Variants in CNOT10 observed in about 807,000 individuals in gnomAD.
CNOT10 encodes the protein CCR4-NOT transcription complex subunit 10.
In CNOT10, 30 loss-of-function variants were observed where a neutral mutation model predicts 94.6. The ratio of observed to expected loss-of-function variants is 0.32; its 90% CI spans 0.24 to 0.43. The LOEUF (loss-of-function observed/expected upper bound fraction) is 0.43, where lower values mean the gene tolerates loss of function less well. Among genes scored for constraint, CNOT10 ranks in the 20% least tolerant of loss-of-function variants. CNOT10 has a pLI of 1.00. For synonymous variants in CNOT10, 289 were observed against 301.6 expected, an observed-to-expected ratio of 0.96 and a Z score of 0.43; for missense variants, 759 against 877.2, an observed-to-expected ratio of 0.87 and a Z score of 1.70.
At chr3:32,728,036 G>C (rs1463097327) in intron 10 of CNOT10, among the ~76,000 whole-genome samples, 166 bp downstream of exon 10, 1 of 149,922 alleles carries the variant, frequency 6.7e-6, no homozygotes, top group Non-Finnish European at 1.5e-5. Context: ...CTCTCTTATT[G>C]CCCAGGCTGG....
intron 3 of CNOT10, 92 bp downstream of exon 3, chr3:32,705,064 C>G (rs775104142): frequency 3.3e-5 from 28 of 855,434 alleles, no homozygotes; most frequent in Non-Finnish European, 4.7e-5. Flanking sequence ...TGTGATTTGT[C>G]TGGTATTTCT....
At chr3:32,761,409 G>A (rs901897102) in intron 14 of CNOT10, among the ~76,000 whole-genome samples, 1 of 152,216 alleles carries the variant, frequency 6.6e-6, no homozygotes, top group South Asian at 2.1e-4. Context: ...GTGTGTTTGT[G>A]TGTGACTGAG....
intron 10 of CNOT10, among the ~76,000 whole-genome samples, chr3:32,729,022 G>A (rs1377744808): frequency 6.6e-6 from 1 of 152,198 alleles, no homozygotes; most frequent in Admixed American, 6.5e-5. Flanking sequence ...CGTGAACCCA[G>A]GAGGCGGAGC....
At position 32,757,884 on chromosome 3, in the gene CNOT10, C is replaced by G. The variant is rs140556957; in HGVS notation, c.1596-1574C>G. 5.0e-3 allele frequency among the ~76,000 whole-genome samples: 761 copies of G among 152,290 alleles called. 9 individuals are homozygous for G. The highest frequency in any genetic ancestry group is 0.017 in the African/African-American group (727 of 41,550). On this transcript the variant is annotated intron_variant, in intron 13 of 18. Transcript: ENST00000328834. ...TACTTGCTGGCTCTCAAATTACTAT[C>G]CTCTGTAATAAGGGTCAGATTTAAA...
At chr3:32,729,141 G>T (rs141734081) in intron 10 of CNOT10, among the ~76,000 whole-genome samples, 204 of 152,272 alleles carry the variant, frequency 1.3e-3, no homozygotes, top group African/African-American at 4.7e-3. Context: ...CATTAAGCTG[G>T]ATTTCCATCA....
At chr3:32,697,850 G>A (rs542995798) in intron 1 of CNOT10, among the ~76,000 whole-genome samples, 1 of 152,250 alleles carries the variant, frequency 6.6e-6, no homozygotes, top group Non-Finnish European at 1.5e-5. Context: ...TTTAAATTAT[G>A]CTTCTTTATG....
intron 12 of CNOT10, among the ~76,000 whole-genome samples, chr3:32,735,646 G>T (rs1451241172): frequency 1.3e-5 from 2 of 152,114 alleles, no homozygotes; most frequent in African/African-American, 2.4e-5. Flanking sequence ...GGCAGAGGTT[G>T]CAGTGAGCCA....
chr3:32,759,004 GTTAA>G (rs1187481147), intron 13 of CNOT10, among the ~76,000 whole-genome samples: 2 of 152,134 alleles, frequency 1.3e-5, no homozygotes, highest in Admixed American at 6.6e-5. Flanking sequence ...GCTTTAGTAA[GTTAA>G]TTATTTCTTA....
At chr3:32,756,811 A>G (rs987328154) in intron 13 of CNOT10, among the ~76,000 whole-genome samples, 2 of 152,218 alleles carry the variant, frequency 1.3e-5, no homozygotes, top group African/African-American at 4.8e-5. Flanking sequence ...AGAGTCACAT[A>G]TGAAAATGGA....
chr3:32,697,020 G>A (rs1034431426), intron 1 of CNOT10, among the ~76,000 whole-genome samples: 6 of 149,726 alleles, frequency 4.0e-5, no homozygotes, highest in Non-Finnish European at 3.0e-5. Context: ...GCGTGATCTC[G>A]GCTCACTGCA....
chr3:32,700,739 C>T (rs1697302963), intron 1 of CNOT10, among the ~76,000 whole-genome samples: 1 of 152,154 alleles, frequency 6.6e-6, no homozygotes, highest in African/African-American at 2.4e-5. Flanking sequence ...TATTGTGAGA[C>T]TTTGAAATTC....
intron 1 of CNOT10, among the ~76,000 whole-genome samples, chr3:32,689,233 T>C (rs1308428250): frequency 6.6e-6 from 1 of 151,764 alleles, no homozygotes; most frequent in Non-Finnish European, 1.5e-5. Context: ...GACGCCTGTA[T>C]TCCCAGCTAC....
chr3:32,764,807 C>A lies in CNOT10; in HGVS notation c.2002C>A (p.Gln668Lys), dbSNP rs1001375861. 2.5e-6 allele frequency: 4 copies of A among 1,614,018 alleles called. No homozygotes were observed. Among genetic ancestry groups the A allele is most frequent in the Non-Finnish European group, 3.4e-6 (4 of 1,180,014 alleles). The part of the protein sequence containing the change: ...EYDKARKCLH[Q>K]AASMIHPKEV... Reference sequence around the variant, plus strand: ...TGACAAAGCCCGAAAGTGTCTCCACCAGGTGAGTCCAGAGTGGGAGGAACT... The same window carrying A: ...TGACAAAGCCCGAAAGTGTCTCCACAAGGTGAGTCCAGAGTGGGAGGAACT... Residue 668 changes from glutamine (Q) to lysine (K), a missense_variant and splice_region_variant, in exon 17 of 19, where the codon CAG becomes AAG. Around this residue, in one of 3 missense-constraint regions of CNOT10, gnomAD observed 682 missense variants for 799.4 expected, o/e 0.85. Coordinates refer to ENST00000328834, the MANE Select transcript of CNOT10 (RefSeq NM_015442.3).
At chr3:32,741,988 ATT>A (rs1699490682) in intron 13 of CNOT10, among the ~76,000 whole-genome samples, 1 of 143,410 alleles carries the variant, frequency 7.0e-6, no homozygotes, top group South Asian at 2.3e-4. Context: ...ATTTTATTTT[ATT>A]TTTTTGCCAG....
intron 1 of CNOT10, among the ~76,000 whole-genome samples, chr3:32,697,589 C>T (rs887240718): frequency 6.6e-6 from 1 of 152,132 alleles, no homozygotes; most frequent in Non-Finnish European, 1.5e-5. Context: ...TCCCACCTCA[C>T]CTCCCCAAGT....
intron 13 of CNOT10, among the ~76,000 whole-genome samples, chr3:32,754,513 T>TA (rs1252420610): frequency 1.9e-5 from 2 of 107,988 alleles, no homozygotes; most frequent in Admixed American, 9.9e-5. Context: ...TATATATTTA[T>TA]TTTACTTTTT....
intron 13 of CNOT10, among the ~76,000 whole-genome samples, chr3:32,758,347 C>G (rs77288970): frequency 0.015 from 2,211 of 152,212 alleles, 39 homozygotes; most frequent in Middle Eastern, 0.037. Context: ...TTCTAAGATT[C>G]TAGGAACCAA....
At chr3:32,691,397 A>G (rs542663880) in intron 1 of CNOT10, among the ~76,000 whole-genome samples, 148 of 152,010 alleles carry the variant, frequency 9.7e-4, no homozygotes, top group African/African-American at 3.2e-3. Context: ...TTCTGACCTC[A>G]TGATCCACCC....
At chr3:32,739,917 C>T (rs1281211266) in intron 13 of CNOT10, among the ~76,000 whole-genome samples, 1 of 152,080 alleles carries the variant, frequency 6.6e-6, no homozygotes, top group Non-Finnish European at 1.5e-5. Flanking sequence ...AAGAGTGAAA[C>T]TCCGTCTCGA....
Sources: gnomAD v4.1 joint callset for allele counts (sites outside exome capture counted in the v4.1 genomes callset) on GRCh38, gnomAD v4.1.1 for gene constraint, gnomAD v4.1.1 regional missense constraint, MANE v1.5 for transcripts, NCBI Gene and HGNC (gene_info 2026-07-23, HGNC 2026-07-21) for gene names.